SNTG1: variants seen among roughly 807,000 people sequenced by gnomAD.
The protein encoded by SNTG1 is syntrophin gamma 1.
SNTG1 carries 39 observed loss-of-function variants against 74.7 expected under a neutral mutation model. That is an observed-to-expected ratio of 0.52 (90% CI 0.40 to 0.68). SNTG1 has a LOEUF of 0.68. Among genes scored for constraint, SNTG1 ranks in the 30% least tolerant of loss-of-function variants. The pLI is 0.00. For synonymous variants in SNTG1, 254 were observed against 217.1 expected (o/e 1.17, Z -1.49); for missense variants, 685 against 609.5 (o/e 1.12, Z -1.30).
In SNTG1 at chr8:50,126,145, C is replaced by T. The variant is rs748938003; in HGVS notation, c.-102-46416C>T. On this transcript the variant is annotated intron_variant, in intron 1 of 18. Transcript: ENST00000642720. Reference sequence around the variant, plus strand: ...GTGAAGTGAAAAAGAGTCATAGAGGCCAGGGAAATTCAGGGACTCCATTTA... The same window carrying T: ...GTGAAGTGAAAAAGAGTCATAGAGGTCAGGGAAATTCAGGGACTCCATTTA... Among the ~76,000 whole-genome samples the T allele has an allele frequency of 5.9e-5, 9 of 151,960 alleles. No homozygotes were observed. In the South Asian group the frequency reaches 1.9e-3, roughly 32 times the overall value.
At chr8:50,114,043 T>A (rs2131319614) in intron 1 of SNTG1, among the ~76,000 whole-genome samples, 1 of 152,222 alleles carries the variant, frequency 6.6e-6, no homozygotes, top group African/African-American at 2.4e-5. Flanking sequence ...TCTTTACTGC[T>A]TTTAAAGACT....
chr8:50,214,632 C>A (rs2131938528), intron 2 of SNTG1, among the ~76,000 whole-genome samples: 1 of 152,092 alleles, frequency 6.6e-6, no homozygotes, highest in African/African-American at 2.4e-5. Context: ...ATTTTCTGCT[C>A]CTGGTAATTT....
chr8:50,462,350 A>G (rs1434341734), intron 8 of SNTG1, among the ~76,000 whole-genome samples: 1 of 150,210 alleles, frequency 6.7e-6, no homozygotes, highest in African/African-American at 2.4e-5. Context: ...GACACTAACA[A>G]TTATCTTAGC....
At chr8:50,687,158 AT>A (rs1429295105) in intron 15 of SNTG1, among the ~76,000 whole-genome samples, 18 of 148,328 alleles carry the variant, frequency 1.2e-4, no homozygotes, top group African/African-American at 3.0e-4. Context: ...AAAAAATAAA[AT>A]AAACATGAAA....
chr8:50,058,346 T>A (rs565160023), intron 1 of SNTG1, among the ~76,000 whole-genome samples: 1 of 152,282 alleles, frequency 6.6e-6, no homozygotes, highest in South Asian at 2.1e-4. Context: ...TCCCGATCAG[T>A]GGTTTCTAAA....
chr8:50,595,818 T>C (rs1563625545), intron 13 of SNTG1, among the ~76,000 whole-genome samples: 1 of 152,074 alleles, frequency 6.6e-6, no homozygotes, highest in Non-Finnish European at 1.5e-5. Flanking sequence ...TTCTTTCTAA[T>C]GCTGGGTAGT....
chr8:49,912,435 T>C (rs1390632426), intron 1 of SNTG1, among the ~76,000 whole-genome samples: 1 of 152,190 alleles, frequency 6.6e-6, no homozygotes, highest in Non-Finnish European at 1.5e-5. Context: ...TACAGTAAAC[T>C]TTTAGCTGGC....
intron 1 of SNTG1, among the ~76,000 whole-genome samples, chr8:50,168,976 T>C (rs1157153347): frequency 6.6e-6 from 1 of 152,240 alleles, no homozygotes; most frequent in Non-Finnish European, 1.5e-5. Flanking sequence ...TTTTATCATA[T>C]GTATATTTCT....
intron 2 of SNTG1, among the ~76,000 whole-genome samples, chr8:50,233,247 T>G (rs973458362): frequency 1.3e-4 from 19 of 151,476 alleles, no homozygotes; most frequent in African/African-American, 4.6e-4. Context: ...GGCCCTAAAA[T>G]AGTCACATAC....
intron 1 of SNTG1, among the ~76,000 whole-genome samples, chr8:50,013,918 C>T (rs1816063514): frequency 6.6e-6 from 1 of 152,098 alleles, no homozygotes; most frequent in African/African-American, 2.4e-5. Context: ...TCTTGGTTAA[C>T]TCAGTTTTCC....
intron 1 of SNTG1, among the ~76,000 whole-genome samples, chr8:50,024,693 T>A (rs1004992855): frequency 6.6e-6 from 1 of 152,108 alleles, no homozygotes; most frequent in Non-Finnish European, 1.5e-5. Context: ...CAAAATGAAA[T>A]GATTAAAACA....
chr8:50,007,579 A>G (rs544710051), intron 1 of SNTG1, among the ~76,000 whole-genome samples: 11 of 152,124 alleles, frequency 7.2e-5, no homozygotes, highest in Non-Finnish European at 1.5e-4. Context: ...AAAGGTAAAA[A>G]CCATATAATG....
intron 18 of SNTG1, among the ~76,000 whole-genome samples, chr8:50,763,814 C>G (rs2095605954): frequency 7.1e-6 from 1 of 140,530 alleles, no homozygotes; most frequent in South Asian, 2.3e-4. Flanking sequence ...ACCAAAATTT[C>G]AATTTTACTT....
chr8:50,773,336 G>A lies in SNTG1; in HGVS notation c.1396-19335G>A, dbSNP rs190332981. Among the ~76,000 whole-genome samples the A allele has an allele frequency of 3.3e-5, 5 of 152,120 alleles. No individual in the cohort carries two copies. In the East Asian group the frequency reaches 5.8e-4, roughly 18 times the overall value. On this transcript the variant is annotated intron_variant, in intron 18 of 18. Coordinates refer to ENST00000642720, the MANE Select transcript of SNTG1 (RefSeq NM_018967.5). ...ACCTAGAAGGGCACATGAATGTGCC[G>A]AGCTATGCACATGATGAGAAAAGAT...
At chr8:50,721,771 A>G (rs1417142841) in intron 17 of SNTG1, among the ~76,000 whole-genome samples, 1 of 152,178 alleles carries the variant, frequency 6.6e-6, no homozygotes, top group Non-Finnish European at 1.5e-5. Flanking sequence ...TATACTGGGA[A>G]ATTGCAATAA....
chr8:50,582,571 A>C (rs1277182965), intron 12 of SNTG1, among the ~76,000 whole-genome samples: 1 of 152,010 alleles, frequency 6.6e-6, no homozygotes, highest in Non-Finnish European at 1.5e-5. Context: ...TGTACTATGC[A>C]TCTGAAAGTA....
intron 9 of SNTG1, among the ~76,000 whole-genome samples, chr8:50,512,415 A>G (rs1399797802): frequency 6.6e-6 from 1 of 151,882 alleles, no homozygotes; most frequent in Non-Finnish European, 1.5e-5. Context: ...CTTCTCGAGG[A>G]GTATCTTTGT....
At chr8:50,351,388 T>TTATAC (rs879276341) in intron 2 of SNTG1, among the ~76,000 whole-genome samples, 3 of 152,354 alleles carry the variant, frequency 2.0e-5, no homozygotes, top group South Asian at 2.1e-4. Flanking sequence ...GGCGCTCAAG[T>TTATAC]AGTTTTGACA....
intron 5 of SNTG1, among the ~76,000 whole-genome samples, chr8:50,448,530 G>A (rs117499759): frequency 6.6e-6 from 1 of 152,274 alleles, no homozygotes; most frequent in Non-Finnish European, 1.5e-5. Context: ...CAACTAGGCT[G>A]TGTTACAAGT....
Sources: gnomAD v4.1 joint callset for allele counts (sites outside exome capture counted in the v4.1 genomes callset) on GRCh38, gnomAD v4.1.1 for gene constraint, MANE v1.5 for transcripts, NCBI Gene and HGNC (gene_info 2026-07-23, HGNC 2026-07-21) for gene names.